Variants in MUSK observed in about 807,000 individuals in gnomAD.
The protein encoded by MUSK is muscle associated receptor tyrosine kinase, also known as muscle, skeletal receptor tyrosine-protein kinase.
MUSK carries 55 observed loss-of-function variants against 88.7 expected under a neutral mutation model. That is an observed-to-expected ratio of 0.62 (90% CI 0.50 to 0.78). MUSK has a LOEUF of 0.78. Among genes scored for constraint, MUSK ranks in the 30% least tolerant of loss-of-function variants. MUSK has a pLI of 0.00. For synonymous variants in MUSK, 387 were observed against 391.9 expected (o/e 0.99, Z 0.15); for missense variants, 1,015 against 1,074.3 (o/e 0.94, Z 0.77).
intron 9 of MUSK, among the ~76,000 whole-genome samples, chr9:110,774,083 C>T (rs1477687590): frequency 6.6e-6 from 1 of 152,078 alleles, no homozygotes; most frequent in African/African-American, 2.4e-5. Context: ...GGTTCTCTTG[C>T]TAAGAAACAC....
chr9:110,749,969 A>G (rs73655617), intron 7 of MUSK, among the ~76,000 whole-genome samples: 14,468 of 152,204 alleles, frequency 0.095, 733 homozygotes, highest in Middle Eastern at 0.15. Flanking sequence ...CTGTCTTTGT[A>G]TTATTTGACA....
chr9:110,779,054 G>GTC (rs1026306066), intron 11 of MUSK, among the ~76,000 whole-genome samples: 40 of 111,256 alleles, frequency 3.6e-4, no homozygotes, highest in Admixed American at 4.0e-4. Context: ...AAGCGTCAGT[G>GTC]TCTCTGTGTG....
chr9:110,758,296 C>T (rs2077353765), intron 7 of MUSK, among the ~76,000 whole-genome samples: 1 of 152,110 alleles, frequency 6.6e-6, no homozygotes, highest in Non-Finnish European at 1.5e-5. Flanking sequence ...GCAAAATGTG[C>T]ATCATTTCCA....
intron 3 of MUSK, among the ~76,000 whole-genome samples, chr9:110,689,773 C>CCAT (rs1564218225): frequency 1.3e-5 from 1 of 74,796 alleles, no homozygotes; most frequent in East Asian, 4.0e-4. Flanking sequence ...ATATATATCA[C>CCAT]ATATAGTTTA....
intron 1 of MUSK, among the ~76,000 whole-genome samples, chr9:110,674,812 G>A (rs1003420054): frequency 2.6e-5 from 4 of 151,864 alleles, no homozygotes; most frequent in African/African-American, 9.7e-5. Flanking sequence ...TGGTTTCTCT[G>A]TGCTGCCCAG....
intron 14 of MUSK, among the ~76,000 whole-genome samples, chr9:110,788,590 C>G (rs532998907): frequency 1.3e-5 from 2 of 151,284 alleles, no homozygotes. Context: ...CAAGATTGCA[C>G]CACTGCACCA....
intron 14 of MUSK, among the ~76,000 whole-genome samples, chr9:110,797,971 A>C (rs1184011891): frequency 6.6e-6 from 1 of 152,250 alleles, no homozygotes; most frequent in Admixed American, 6.5e-5. Context: ...GCATGCTTAT[A>C]CATCACTACT....
rs1240826719 is a variant in MUSK, at chr9:110,697,438, T to C, written c.600T>C (p.Tyr200=). The change falls in exon 5 of 15, where the codon TAT becomes TAC. Residue 200 remains tyrosine (Y), a synonymous_variant. Transcript: ENST00000374448. ...CVAKNSLGTA[Y]SKVVKLEVEV... is the part of the protein sequence containing the mutation. ...CAAAAAACAGCCTCGGGACAGCATA[T>C]TCCAAAGTGGTGAAGCTGGAAGTTG... 1.9e-6 allele frequency: 3 copies of C among 1,608,796 alleles called. No individual in the cohort carries two copies. In the African/African-American group the frequency reaches 4.0e-5, roughly 21 times the overall value.
chr9:110,761,676 C>A (rs141787351), intron 7 of MUSK, among the ~76,000 whole-genome samples: 1 of 147,716 alleles, frequency 6.8e-6, no homozygotes, highest in African/African-American at 2.5e-5. Context: ...CGGGGGTTCA[C>A]GCCATTCTCC....
intron 7 of MUSK, among the ~76,000 whole-genome samples, chr9:110,759,974 T>C (rs1347371704): frequency 6.6e-6 from 1 of 152,110 alleles, no homozygotes; most frequent in Non-Finnish European, 1.5e-5. Flanking sequence ...AGGCAGAGGC[T>C]GCAGTGAGCC....
chr9:110,683,560 T>C (rs2076158546), intron 2 of MUSK, among the ~76,000 whole-genome samples: 2 of 152,134 alleles, frequency 1.3e-5, no homozygotes, highest in South Asian at 4.1e-4. Flanking sequence ...CTTCAAACTA[T>C]TCTCCATAGT....
chr9:110,678,193 C>A (rs1412617979), intron 1 of MUSK, among the ~76,000 whole-genome samples: 2 of 152,108 alleles, frequency 1.3e-5, no homozygotes, highest in African/African-American at 4.8e-5. Context: ...CTCACTGCAG[C>A]CTTGACCTCC....
chr9:110,789,458 A>T (rs1212593854), intron 14 of MUSK, among the ~76,000 whole-genome samples: 1 of 152,184 alleles, frequency 6.6e-6, no homozygotes, highest in Admixed American at 6.5e-5. Flanking sequence ...AGGTTCCTTT[A>T]GTGGAGAGAG....
chr9:110,800,767 T>G lies in MUSK; in HGVS notation c.2389T>G (p.Ser797Ala), dbSNP rs1410889717. The stretch of plus-strand genomic sequence containing the variant: ...TGGCGTGGTCCTCTGGGAGATCTTC[T>G]CCTATGGCCTGCAGCCCTACTATGG... The part of the protein sequence containing the change: ...AYGVVLWEIF[S>A]YGLQPYYGMA... Residue 797 changes from serine to alanine, a missense_variant, in exon 15 of 15, where the codon TCC becomes GCC. Transcript: ENST00000374448. 6.2e-7 allele frequency: 1 copy of G among 1,614,008 alleles called. No individual in the cohort carries two copies.
chr9:110,736,520 G>T (rs1289913417), intron 6 of MUSK, among the ~76,000 whole-genome samples: 2 of 152,054 alleles, frequency 1.3e-5, no homozygotes, highest in African/African-American at 4.8e-5. Flanking sequence ...GGTTAGTGGG[G>T]AGTAAGCAAA....
At chr9:110,675,340 G>C (rs1054960945) in intron 1 of MUSK, among the ~76,000 whole-genome samples, 1 of 148,004 alleles carries the variant, frequency 6.8e-6, no homozygotes, top group Non-Finnish European at 1.5e-5. Flanking sequence ...TCCTGCCTCA[G>C]CCTCCCGAGT....
intron 3 of MUSK, among the ~76,000 whole-genome samples, chr9:110,689,880 ATT>A (rs1587905658): frequency 4.2e-5 from 4 of 96,070 alleles, no homozygotes; most frequent in South Asian, 3.5e-4. Context: ...ATAAATATAT[ATT>A]TAAATATAAA....
Position 110,801,914 on chromosome 9 carries a change from G to A in MUSK, c.*926G>A, listed in dbSNP as rs914504087. Among the ~76,000 whole-genome samples the A allele has an allele frequency of 2.6e-5, 4 of 151,990 alleles. No homozygotes were observed. The highest frequency in any genetic ancestry group is 9.7e-5 in the African/African-American group (4 of 41,388). On this transcript the variant is annotated 3_prime_UTR_variant, in exon 15 of 15. Coordinates refer to ENST00000374448, the MANE Select transcript of MUSK (RefSeq NM_005592.4). The stretch of plus-strand genomic sequence containing the variant: ...TAATAACATTTTAAATACCATTGTA[G>A]ATTGATATGTATATGCCTTTTGCAA...
At chr9:110,681,176 ATATAT>A (rs1465157992) in intron 1 of MUSK, among the ~76,000 whole-genome samples, 1 of 84,154 alleles carries the variant, frequency 1.2e-5, no homozygotes, top group Non-Finnish European at 2.3e-5. Flanking sequence ...TTATTATAAT[ATATAT>A]TATAACAATC....
Sources: allele counts gnomAD v4.1 joint callset (sites outside exome capture counted in the v4.1 genomes callset), GRCh38; gene constraint gnomAD v4.1.1; transcripts MANE v1.5; gene names NCBI Gene and HGNC (gene_info 2026-07-23, HGNC 2026-07-21).